The following JAM2 variants were observed in gnomAD, a reference collection of about 807,000 sequenced individuals.
JAM2 encodes the protein junctional adhesion molecule 2.
In JAM2, 17 loss-of-function variants were observed where a neutral mutation model predicts 42.0. That is an observed-to-expected ratio of 0.40 (90% CI 0.28 to 0.61). JAM2 has a LOEUF of 0.61. Among genes scored for constraint, JAM2 ranks in the 20% least tolerant of loss-of-function variants. JAM2 has a pLI of 0.37. For synonymous variants in JAM2, 118 were observed against 128.6 expected, an observed-to-expected ratio of 0.92 and a Z score of 0.56; for missense variants, 319 against 358.3, an observed-to-expected ratio of 0.89 and a Z score of 0.89.
rs1156619098 is a variant in JAM2, at chr21:25,715,341, G to A, written c.*669G>A. On this transcript the variant is annotated 3_prime_UTR_variant, in exon 10 of 10. Coordinates refer to ENST00000480456, the MANE Select transcript of JAM2 (RefSeq NM_021219.4). ...TGTGTCACTGATTTCTTCATTAAAC[G>A]TAATTTAGATGGTCAAACACAAACC... 2.6e-5 allele frequency: 4 copies of A among 152,202 alleles called. No individual in the cohort carries two copies. The highest frequency in any genetic ancestry group is 2.0e-4 in the Admixed American group (3 of 15,276). 9.4% of individuals were successfully genotyped at this position (152,202 alleles called of 1,614,324 possible).
intron 5 of JAM2, among the ~76,000 whole-genome samples, chr21:25,699,467 A>T (rs943827026): frequency 1.3e-5 from 2 of 152,132 alleles, no homozygotes; most frequent in Non-Finnish European, 2.9e-5. Flanking sequence ...TCACGCCTGT[A>T]ATCCCAGCAC....
At chr21:25,681,785 A>G (rs2033637564) in intron 1 of JAM2, among the ~76,000 whole-genome samples, 1 of 152,142 alleles carries the variant, frequency 6.6e-6, no homozygotes, top group Admixed American at 6.5e-5. Context: ...GATCCAGACC[A>G]TCCTGGCCAA....
chr21:25,696,612 T>C (rs1045126703), intron 4 of JAM2, among the ~76,000 whole-genome samples: 3 of 152,178 alleles, frequency 2.0e-5, no homozygotes, highest in Non-Finnish European at 2.9e-5. Flanking sequence ...ACTGGGTATC[T>C]GCCCAAAGTA....
At chr21:25,703,395 CA>C (rs1031207609) in intron 6 of JAM2, among the ~76,000 whole-genome samples, 3 of 152,196 alleles carry the variant, frequency 2.0e-5, no homozygotes, top group African/African-American at 7.2e-5. Context: ...ATGATTCTCA[CA>C]TATCTACTCT....
intron 1 of JAM2, among the ~76,000 whole-genome samples, chr21:25,640,146 C>G (rs1485427703): frequency 6.6e-6 from 1 of 152,206 alleles, no homozygotes. Flanking sequence ...ATTAAGGGTT[C>G]CCACTAGCAG....
chr21:25,643,159 A>G (rs1156596737), intron 1 of JAM2, among the ~76,000 whole-genome samples: 1 of 152,216 alleles, frequency 6.6e-6, no homozygotes, highest in Non-Finnish European at 1.5e-5. Flanking sequence ...AGGGTAGGTA[A>G]AAGAAGTGTA....
At chr21:25,651,472 C>T (rs999874926) in intron 1 of JAM2, among the ~76,000 whole-genome samples, 3 of 152,214 alleles carry the variant, frequency 2.0e-5, no homozygotes, top group African/African-American at 7.2e-5. Flanking sequence ...AGGCATTCTA[C>T]ATACTGCTGA....
At position 25,715,290 on chromosome 21, in the gene JAM2, G is replaced by C. The variant is rs2034457661; in HGVS notation, c.*618G>C. 1 of 152,212 alleles carries C rather than the reference G, an allele frequency of 6.6e-6. No homozygotes were observed. The highest frequency in any genetic ancestry group is 1.5e-5 in the Non-Finnish European group (1 of 68,048). The allele number at this position is 152,212 out of a possible 1,614,324, so 9.4% of individuals were successfully genotyped here. A position where few individuals can be genotyped will look rare whatever the true frequency, so the allele number is the denominator to read the frequency against. ...AATGCCTAATGGCTGGAGCCCACAG[G>C]TGTGCACCACAGGATTTGCCTGGTG... On this transcript the variant is annotated 3_prime_UTR_variant, in exon 10 of 10. Transcript: ENST00000480456.
chr21:25,682,268 G>T (rs2033651597), intron 1 of JAM2, among the ~76,000 whole-genome samples: 1 of 152,196 alleles, frequency 6.6e-6, no homozygotes, highest in African/African-American at 2.4e-5. Flanking sequence ...CATTACACTG[G>T]AGTATAGAAT....
chr21:25,682,909 T>A (rs1855554191), intron 1 of JAM2, among the ~76,000 whole-genome samples: 1 of 151,882 alleles, frequency 6.6e-6, no homozygotes. Context: ...TTCAGACGTC[T>A]CTCCTCATCT....
intron 9 of JAM2, among the ~76,000 whole-genome samples, chr21:25,713,745 T>C (rs1365978022): frequency 6.6e-6 from 1 of 152,254 alleles, no homozygotes; most frequent in Non-Finnish European, 1.5e-5. Flanking sequence ...CCCACCATTT[T>C]TGTGCCTACA....
chr21:25,643,039 C>G (rs558355322), intron 1 of JAM2, among the ~76,000 whole-genome samples: 2 of 152,278 alleles, frequency 1.3e-5, no homozygotes, highest in African/African-American at 4.8e-5. Flanking sequence ...TTGTCATGAC[C>G]AGATCACGGT....
At chr21:25,711,728 C>T (rs970087244) in intron 8 of JAM2, among the ~76,000 whole-genome samples, 4 of 149,818 alleles carry the variant, frequency 2.7e-5, no homozygotes, top group Non-Finnish European at 5.9e-5. Flanking sequence ...TTGAGTGACA[C>T]GAAAAGTAAT....
intron 1 of JAM2, among the ~76,000 whole-genome samples, chr21:25,650,249 T>C (rs1025230460): frequency 6.6e-6 from 1 of 152,240 alleles, no homozygotes; most frequent in East Asian, 1.9e-4. Context: ...TCAAAGATGA[T>C]TTTCCTAGGT....
Position 25,714,785 on chromosome 21 carries a change from G to A in JAM2, c.*113G>A. 1.5e-6 allele frequency: 1 copy of A among 668,634 alleles called. No homozygotes were observed. The highest frequency in any genetic ancestry group is 2.4e-6 in the Non-Finnish European group (1 of 412,292). 41.4% of individuals were successfully genotyped at this position (668,634 alleles called of 1,614,324 possible). ...AAGAGGTACACGAGGAAATGGAATT[G>A]GTATTTCATTTTAATTTTCATGACT... On this transcript the variant is annotated 3_prime_UTR_variant, in exon 10 of 10. Coordinates refer to ENST00000480456, the MANE Select transcript of JAM2 (RefSeq NM_021219.4).
At chr21:25,640,564 G>A (rs1165535673) in intron 1 of JAM2, among the ~76,000 whole-genome samples, 4 of 152,226 alleles carry the variant, frequency 2.6e-5, no homozygotes, top group Non-Finnish European at 5.9e-5. Flanking sequence ...TAGCTGGGGA[G>A]ACGTCCCAAA....
chr21:25,709,241 C>T (rs2034334314), intron 7 of JAM2, among the ~76,000 whole-genome samples, 193 bp from the exon 8 acceptor site: 1 of 151,460 alleles, frequency 6.6e-6, no homozygotes, highest in Admixed American at 6.6e-5. Flanking sequence ...TCCTCTTGGC[C>T]CCAAAGCCTA....
chr21:25,660,782 A>ATATATATATATTTATTTTT (rs1555861055), intron 1 of JAM2, among the ~76,000 whole-genome samples: 1 of 41,326 alleles, frequency 2.4e-5, no homozygotes, highest in African/African-American at 1.9e-4. Flanking sequence ...ATATATATAT[A>ATATATATATATTTATTTTT]TTTTTTTTTT....
At chr21:25,661,205 C>T (rs571132136) in intron 1 of JAM2, among the ~76,000 whole-genome samples, 106 of 152,240 alleles carry the variant, frequency 7.0e-4, no homozygotes, top group African/African-American at 2.4e-3. Flanking sequence ...GTAATACCAG[C>T]ACTTTGGGAG....
Sources: allele counts gnomAD v4.1 joint callset (sites outside exome capture counted in the v4.1 genomes callset), GRCh38; gene constraint gnomAD v4.1.1; transcripts MANE v1.5; gene names NCBI Gene and HGNC (gene_info 2026-07-23, HGNC 2026-07-21).